The following SNTB1 variants were observed in gnomAD, a reference collection of about 807,000 sequenced individuals.
SNTB1 encodes the protein syntrophin beta 1.
A neutral mutation model predicts 48.9 loss-of-function variants in SNTB1; 36 were observed. That is an observed-to-expected ratio of 0.74 (90% CI 0.56 to 0.97). SNTB1 has a LOEUF of 0.97. SNTB1 is among the 50% of genes least tolerant of loss of function. SNTB1 has a pLI of 0.00. For synonymous variants in SNTB1, 299 were observed against 294.6 expected (o/e 1.01, Z -0.15); for missense variants, 786 against 703.4 (o/e 1.12, Z -1.33).
intron 2 of SNTB1, among the ~76,000 whole-genome samples, chr8:120,672,051 C>T (rs1380669422): frequency 6.6e-6 from 1 of 152,178 alleles, no homozygotes. Flanking sequence ...ACTTTCAGTA[C>T]AGCATTCAAT....
chr8:120,639,328 T>C (rs1360853524), intron 2 of SNTB1, among the ~76,000 whole-genome samples: 1 of 152,054 alleles, frequency 6.6e-6, no homozygotes, highest in Non-Finnish European at 1.5e-5. Flanking sequence ...TTTTCTCCCA[T>C]TTTGTAGGTT....
At chr8:120,636,295 G>A (rs978710393) in intron 2 of SNTB1, among the ~76,000 whole-genome samples, 10 of 148,352 alleles carry the variant, frequency 6.7e-5, no homozygotes, top group African/African-American at 2.5e-4. Flanking sequence ...ACATTGTGCA[G>A]GTTAGTTACA....
intron 2 of SNTB1, among the ~76,000 whole-genome samples, chr8:120,650,785 C>T (rs950550614): frequency 1.3e-5 from 2 of 152,200 alleles, no homozygotes; most frequent in Admixed American, 1.3e-4. Flanking sequence ...AGAGTAAAGA[C>T]ATTCCATTCC....
At chr8:120,571,365 C>T in intron 4 of SNTB1, 2 of 1,284,690 alleles carry the variant, frequency 1.6e-6, no homozygotes, top group Non-Finnish European at 2.0e-6. Context: ...CGGATGAGGA[C>T]TGTGGATGCA....
chr8:120,593,550 AATG>A (rs1477724373), intron 3 of SNTB1, among the ~76,000 whole-genome samples: 2 of 152,238 alleles, frequency 1.3e-5, no homozygotes, highest in East Asian at 3.8e-4. Flanking sequence ...GAAACAAACA[AATG>A]ATGAGATAAA....
At chr8:120,624,874 G>A (rs960723743) in intron 3 of SNTB1, among the ~76,000 whole-genome samples, 2 of 152,164 alleles carry the variant, frequency 1.3e-5, no homozygotes, top group Non-Finnish European at 2.9e-5. Context: ...GGAGAAATAG[G>A]CAAGAAGAAA....
At chr8:120,732,456 T>C (rs1286099818) in intron 1 of SNTB1, among the ~76,000 whole-genome samples, 1 of 152,232 alleles carries the variant, frequency 6.6e-6, no homozygotes, top group Non-Finnish European at 1.5e-5. Context: ...AAGTTTCCTT[T>C]CTGTTCTTCA....
At chr8:120,612,312 A>G (rs1298019594) in intron 3 of SNTB1, among the ~76,000 whole-genome samples, 1 of 152,230 alleles carries the variant, frequency 6.6e-6, no homozygotes. Context: ...TTTCACAGAT[A>G]AGAAAACTGG....
chr8:120,551,284 G>A (rs115999087), intron 4 of SNTB1, among the ~76,000 whole-genome samples: 1,562 of 150,604 alleles, frequency 0.01, 28 homozygotes, highest in African/African-American at 0.036. Flanking sequence ...AAATTAAATA[G>A]GTCATGTGAG....
intron 3 of SNTB1, among the ~76,000 whole-genome samples, chr8:120,602,019 C>G (rs896991015): frequency 1.3e-5 from 2 of 152,178 alleles, no homozygotes; most frequent in Admixed American, 1.3e-4. Flanking sequence ...CAAAAACAAA[C>G]AACAACAAAA....
intron 1 of SNTB1, among the ~76,000 whole-genome samples, chr8:120,749,855 T>A (rs917464559): frequency 6.6e-6 from 1 of 152,084 alleles, no homozygotes; most frequent in Non-Finnish European, 1.5e-5. Context: ...TCCTCATGAG[T>A]CTAGATTCTG....
intron 3 of SNTB1, among the ~76,000 whole-genome samples, chr8:120,617,869 T>C (rs1026539423): frequency 1.3e-5 from 2 of 152,244 alleles, no homozygotes; most frequent in Non-Finnish European, 2.9e-5. Context: ...TTTCATATAC[T>C]GCCTTTGAAG....
intron 1 of SNTB1, among the ~76,000 whole-genome samples, chr8:120,735,055 C>T (rs1183039931): frequency 1.3e-5 from 2 of 152,172 alleles, no homozygotes; most frequent in Non-Finnish European, 2.9e-5. Flanking sequence ...AAAGAGAATA[C>T]AAGTCTGTAC....
chr8:120,594,868 A>G (rs551865384), intron 3 of SNTB1, among the ~76,000 whole-genome samples: 2 of 152,222 alleles, frequency 1.3e-5, no homozygotes, highest in African/African-American at 4.8e-5. Flanking sequence ...GTTTGGGAAG[A>G]TGAAAAAGTG....
chr8:120,601,558 A>C (rs1587021084), intron 3 of SNTB1, among the ~76,000 whole-genome samples: 1 of 152,200 alleles, frequency 6.6e-6, no homozygotes, highest in Non-Finnish European at 1.5e-5. Context: ...CAAAAAATAC[A>C]GAGTAATGTG....
chr8:120,760,920 C>T lies in SNTB1; in HGVS notation c.571+50353G>A, dbSNP rs1819408848. On this transcript the variant is annotated intron_variant, in intron 1 of 6. Transcript: ENST00000517992. ...AAATTTTTTCTGCATGAAAAAATAC[C>T]GTAAACAAAGTCAAAAGACAAATAG... is the stretch of plus-strand genomic sequence containing the variant. Among the ~76,000 whole-genome samples, 9 of 151,810 alleles carry T rather than the reference C, an allele frequency of 5.9e-5. 1 individual carries two copies. The South Asian group carries it at 8.3e-4, about 14-fold the overall frequency.
chr8:120,781,320 T>C (rs1169061061), intron 1 of SNTB1, among the ~76,000 whole-genome samples: 2 of 152,218 alleles, frequency 1.3e-5, no homozygotes, highest in Non-Finnish European at 2.9e-5. Flanking sequence ...AGGATGGGGA[T>C]GGCTGAAGCA....
chr8:120,603,347 G>T (rs867674563), intron 3 of SNTB1, among the ~76,000 whole-genome samples: 2 of 152,138 alleles, frequency 1.3e-5, no homozygotes, highest in Non-Finnish European at 2.9e-5. Context: ...TGATCCACCC[G>T]CCTTGGCCTC....
chr8:120,737,990 T>A (rs1167102590), intron 1 of SNTB1, among the ~76,000 whole-genome samples: 1 of 152,098 alleles, frequency 6.6e-6, no homozygotes, highest in Non-Finnish European at 1.5e-5. Context: ...AATGTTTGTA[T>A]CCTCCCCAAA....
Sources: gnomAD v4.1 joint callset for allele counts (sites outside exome capture counted in the v4.1 genomes callset) on GRCh38, gnomAD v4.1.1 for gene constraint, MANE v1.5 for transcripts, NCBI Gene and HGNC (gene_info 2026-07-23, HGNC 2026-07-21) for gene names.